The following CHL1 variants were observed in gnomAD, a reference collection of about 807,000 sequenced individuals.
CHL1 encodes the protein neural cell adhesion molecule L1-like protein.
CHL1 carries 96 observed loss-of-function variants against 141.9 expected under a neutral mutation model. That is an observed-to-expected ratio of 0.68 (90% CI 0.57 to 0.80). CHL1 has a LOEUF of 0.80. Ranked by LOEUF, CHL1 falls within the 30% of genes least tolerant of loss-of-function variation. The pLI, the probability that CHL1 is intolerant of heterozygous loss-of-function variation, is 0.00. For missense variants in CHL1, 1,820 were observed against 1,457.2 expected, an observed-to-expected ratio of 1.25 and a Z score of -4.05; for synonymous variants, 613 against 502.2, an observed-to-expected ratio of 1.22 and a Z score of -2.95.
intron 1 of CHL1, among the ~76,000 whole-genome samples, chr3:199,819 T>C (rs1370014798): frequency 6.6e-6 from 1 of 152,202 alleles, no homozygotes; most frequent in African/African-American, 2.4e-5. Context: ...GTTGAAATAA[T>C]TTAGCCTGAT....
intron 3 of CHL1, among the ~76,000 whole-genome samples, chr3:325,447 C>A (rs1700929762): frequency 7.1e-6 from 1 of 141,484 alleles, no homozygotes; most frequent in Non-Finnish European, 1.5e-5. Context: ...AAATAGTTTA[C>A]CTGGAAAGAA....
intron 15 of CHL1, among the ~76,000 whole-genome samples, chr3:377,396 G>A (rs777648628): frequency 5.9e-5 from 9 of 152,188 alleles, no homozygotes; most frequent in Admixed American, 2.0e-4. Context: ...TGGTTCTGTG[G>A]AATGGAGATG....
chr3:215,659 A>G (rs151010221), intron 1 of CHL1, among the ~76,000 whole-genome samples: 148 of 152,288 alleles, frequency 9.7e-4, no homozygotes, highest in African/African-American at 3.4e-3. Context: ...GTGTGTACTT[A>G]TTGTGTATCA....
At chr3:288,535 T>C (rs1425612100) in intron 2 of CHL1, among the ~76,000 whole-genome samples, 1 of 152,182 alleles carries the variant, frequency 6.6e-6, no homozygotes, top group Non-Finnish European at 1.5e-5. Context: ...TTTGGCTCTG[T>C]TGCATTGCCA....
chr3:287,889 C>T (rs1697310934), intron 2 of CHL1, among the ~76,000 whole-genome samples: 1 of 152,092 alleles, frequency 6.6e-6, no homozygotes, highest in Admixed American at 6.6e-5. Flanking sequence ...CCTCAGCCTC[C>T]CGAGTAGCTG....
At chr3:279,121 G>C (rs1007068998) in intron 2 of CHL1, among the ~76,000 whole-genome samples, 5 of 152,176 alleles carry the variant, frequency 3.3e-5, no homozygotes, top group Non-Finnish European at 7.3e-5. Context: ...TAGTCTTTAA[G>C]TCTTAAAACT....
At chr3:275,189 G>C (rs372700205) in intron 2 of CHL1, among the ~76,000 whole-genome samples, 2 of 152,224 alleles carry the variant, frequency 1.3e-5, no homozygotes, top group Non-Finnish European at 2.9e-5. Context: ...AGTGTACACA[G>C]CTGCTAAGTG....
At position 206,350 on chromosome 3, in the gene CHL1, C is replaced by T. The variant is rs571439058; in HGVS notation, c.-175+9287C>T. On this transcript the variant is annotated intron_variant, in intron 1 of 27. Coordinates refer to ENST00000256509, the MANE Select transcript of CHL1 (RefSeq NM_006614.4). ...GGGCATGATGGCATGCCTGTAATCC[C>T]AGCTACTCAGGAGGCTGAGGCAGGA... 5.9e-5 allele frequency among the ~76,000 whole-genome samples: 9 copies of T among 152,196 alleles called. No homozygotes were observed. The South Asian group carries it at 1.9e-3, about 32-fold the overall frequency.
chr3:280,907 CAT>C (rs1447977027), intron 2 of CHL1, among the ~76,000 whole-genome samples: 11 of 150,546 alleles, frequency 7.3e-5, no homozygotes, highest in Admixed American at 3.3e-4. Flanking sequence ...CACACACACA[CAT>C]GCACCACACA....
At chr3:385,910 G>A (rs970787061) in intron 19 of CHL1, 16 of 151,694 alleles carry the variant, frequency 1.1e-4, no homozygotes, top group African/African-American at 3.9e-4. Flanking sequence ...ACTAGAGGAA[G>A]GAAGTAGTCA....
chr3:295,560 C>CT (rs897384432), intron 2 of CHL1, among the ~76,000 whole-genome samples: 9 of 151,620 alleles, frequency 5.9e-5, no homozygotes, highest in Admixed American at 1.3e-4. Flanking sequence ...GGAAGTAACT[C>CT]TTTTTTTTTC....
intron 2 of CHL1, among the ~76,000 whole-genome samples, chr3:298,165 A>G (rs1472069386): frequency 6.6e-6 from 1 of 152,216 alleles, no homozygotes; most frequent in Non-Finnish European, 1.5e-5. Context: ...TCTCTCTTAT[A>G]ATTTTAGTCC....
At chr3:291,817 G>C (rs1301096427) in intron 2 of CHL1, among the ~76,000 whole-genome samples, 1 of 152,078 alleles carries the variant, frequency 6.6e-6, no homozygotes, top group Admixed American at 6.5e-5. Context: ...CCAGTAACTT[G>C]GCTAACATAT....
At chr3:255,031 A>G (rs527479684) in intron 2 of CHL1, among the ~76,000 whole-genome samples, 1 of 152,084 alleles carries the variant, frequency 6.6e-6, no homozygotes, top group African/African-American at 2.4e-5. Flanking sequence ...ATCTCTAGCT[A>G]CAATTGTTCT....
chr3:332,052 T>G (rs1701484146), intron 5 of CHL1, among the ~76,000 whole-genome samples: 1 of 152,266 alleles, frequency 6.6e-6, no homozygotes, highest in African/African-American at 2.4e-5. Flanking sequence ...CTCTTACTTA[T>G]GACCAAACAA....
chr3:284,841 G>T (rs779972912), intron 2 of CHL1, among the ~76,000 whole-genome samples: 95 of 151,564 alleles, frequency 6.3e-4, no homozygotes, highest in Non-Finnish European at 1.2e-3. Flanking sequence ...ATATATAGCT[G>T]TGCTATGAGT....
At chr3:268,273 C>T (rs564630230) in intron 2 of CHL1, among the ~76,000 whole-genome samples, 6 of 152,138 alleles carry the variant, frequency 3.9e-5, no homozygotes, top group Non-Finnish European at 7.3e-5. Context: ...GTGGCTCACT[C>T]CTATAATCCC....
At chr3:393,560 T>G (rs1351202481) in intron 23 of CHL1, among the ~76,000 whole-genome samples, 1 of 152,016 alleles carries the variant, frequency 6.6e-6, no homozygotes, top group African/African-American at 2.4e-5. Context: ...ATGTGTATTT[T>G]AAAATAAAAT....
intron 1 of CHL1, among the ~76,000 whole-genome samples, chr3:226,432 T>A (rs962035103): frequency 1.8e-4 from 27 of 147,942 alleles, no homozygotes; most frequent in African/African-American, 6.4e-4. Context: ...ATATATTTTT[T>A]AATTTTATTA....
Sources: gnomAD v4.1 joint callset for allele counts (sites outside exome capture counted in the v4.1 genomes callset) on GRCh38, gnomAD v4.1.1 for gene constraint, MANE v1.5 for transcripts, NCBI Gene and HGNC (gene_info 2026-07-23, HGNC 2026-07-21) for gene names.